Variants in ZNF235 observed in about 807,000 individuals in gnomAD.
ZNF235 encodes the protein zinc finger protein 235.
ZNF235 carries 25 observed loss-of-function variants against 29.4 expected under a neutral mutation model. That is an observed-to-expected ratio of 0.85 (90% CI 0.62 to 1.19). The LOEUF is 1.19. Among genes scored for constraint, ZNF235 ranks in the 50% most tolerant of loss-of-function variants. The pLI is 0.00. For missense variants in ZNF235, 788 were observed against 885.0 expected (o/e 0.89, Z 1.39); for synonymous variants, 300 against 295.3 (o/e 1.02, Z -0.16).
chr19:44,303,348 T>C (rs1036150252), intron 2 of ZNF235, 42 bp downstream of exon 2: 3 of 1,602,342 alleles, frequency 1.9e-6, no homozygotes, highest in Non-Finnish European at 2.6e-6. Flanking sequence ...CTTTGTGAAA[T>C]GAGATGTCAT....
rs1332079119 is a variant in ZNF235 at position 44,303,387 on chromosome 19, T to G, written c.15+3A>C. 2 of 1,611,790 alleles carry G rather than the reference T, an allele frequency of 1.2e-6. No individual in the cohort carries two copies. The highest frequency in any genetic ancestry group is 2.7e-5 in the African/African-American group (2 of 74,800). On this transcript the variant is annotated splice_donor_region_variant and intron_variant, in intron 2 of 4. Transcript: ENST00000291182. ...AAGAAACACAAAGGCAAACCAAACT[T>G]ACCTGGAACTTGGTCATTTTTCCCC...
In ZNF235 at chr19:44,304,650, A is replaced by C. The variant is rs1210278734; in HGVS notation, c.-49+321T>G. 3 of 889,330 alleles carry C rather than the reference A, an allele frequency of 3.4e-6. No homozygotes were observed. The African/African-American group carries it at 5.4e-5, about 16-fold the overall frequency. The allele number at this position is 889,330 out of a possible 1,614,324, so 55.1% of individuals were successfully genotyped here. On this transcript the variant is annotated intron_variant, in intron 1 of 4. Coordinates refer to ENST00000291182, the MANE Select transcript of ZNF235 (RefSeq NM_004234.4). The stretch of plus-strand genomic sequence containing the variant: ...CAAGAACATCACTGGGAACGCACTA[A>C]CCCTTTACAGGCACGAGGAAACTGA...
Position 44,288,017 on chromosome 19 carries a change from TTAAAGCTCAAAC to T in ZNF235, c.1406_1417del (p.Ser469_Phe472del), listed in dbSNP as rs770167232. On this transcript the variant is annotated inframe_deletion, in exon 5 of 5. Coordinates refer to ENST00000291182, the MANE Select transcript of ZNF235 (RefSeq NM_004234.4). ...GTGGACTCGTTGATGACTATGAAGA[TTAAAGCTCAAAC>T]TAAAGCACTTACCACACTCATCACA... 1 of 1,614,134 alleles carries T rather than the reference TTAAAGCTCAAAC, an allele frequency of 6.2e-7. No individual in the cohort carries two copies.
chr19:44,302,073 G>A (rs1599894033), intron 2 of ZNF235, among the ~76,000 whole-genome samples: 1 of 152,130 alleles, frequency 6.6e-6, no homozygotes, highest in South Asian at 2.1e-4. Context: ...AATCTAGCTC[G>A]TTTGAAACTA....
chr19:44,302,079 A>C (rs1308968448), intron 2 of ZNF235, among the ~76,000 whole-genome samples: 2 of 152,218 alleles, frequency 1.3e-5, no homozygotes, highest in Non-Finnish European at 1.5e-5. Context: ...GCTCGTTTGA[A>C]ACTAAAATTA....
chr19:44,302,956 A>T (rs1403734009), intron 2 of ZNF235, among the ~76,000 whole-genome samples: 17 of 136,250 alleles, frequency 1.2e-4, no homozygotes, highest in East Asian at 6.0e-4. Context: ...TTGTATATAT[A>T]AATATATACG....
At chr19:44,296,470 TAAAAC>T (rs1321749493) in intron 4 of ZNF235, among the ~76,000 whole-genome samples, 3 of 152,216 alleles carry the variant, frequency 2.0e-5, no homozygotes, top group Non-Finnish European at 2.9e-5. Context: ...AAATGAATGT[TAAAAC>T]TGAACTGAAT....
chr19:44,289,036 G>A lies in ZNF235; in HGVS notation c.399C>T (p.Phe133=). The change falls in exon 5 of 5, where the codon TTC becomes TTT. Residue 133 remains phenylalanine (F), a synonymous_variant. Coordinates refer to ENST00000291182, the MANE Select transcript of ZNF235 (RefSeq NM_004234.4). ...GACAGGGGGAATCATGGTGCTTGGGGAACTGAGAGCTCTTTCCTTCAATAT... is the reference window on the plus strand; with the variant it reads ...GACAGGGGGAATCATGGTGCTTGGGAAACTGAGAGCTCTTTCCTTCAATAT... ...MINIEGKSSQ[F]PKHHDSPCQV... 1 of 1,614,100 alleles carries A rather than the reference G, an allele frequency of 6.2e-7. No homozygotes were observed. The highest frequency in any genetic ancestry group is 8.5e-7 in the Non-Finnish European group (1 of 1,180,006).
At position 44,304,374 on chromosome 19, in the gene ZNF235, C is replaced by A. The variant is rs111998523; in HGVS notation, c.-49+597G>T. On this transcript the variant is annotated intron_variant, in intron 1 of 4. Coordinates refer to ENST00000291182, the MANE Select transcript of ZNF235 (RefSeq NM_004234.4). The stretch of plus-strand genomic sequence containing the variant: ...TGAGATAAAACACACAGGACATTCC[C>A]CAGGCTCCGCTGGAACTAATTCCTG... Among the ~76,000 whole-genome samples, 299 of 152,252 alleles carry A rather than the reference C, an allele frequency of 2.0e-3. 1 individual carries two copies. The highest frequency in any genetic ancestry group is 6.9e-3 in the African/African-American group (287 of 41,558).
chr19:44,298,262 A>C (rs938226585), intron 4 of ZNF235, among the ~76,000 whole-genome samples: 11 of 152,218 alleles, frequency 7.2e-5, no homozygotes, highest in Non-Finnish European at 1.5e-4. Context: ...GAAAAACAGA[A>C]TGGTAAAGCT....
intron 4 of ZNF235, among the ~76,000 whole-genome samples, chr19:44,294,770 G>A (rs1042174212): frequency 3.3e-5 from 5 of 150,994 alleles, no homozygotes; most frequent in Admixed American, 6.6e-5. Flanking sequence ...CCAAGGATGC[G>A]AGAATGGTTC....
chr19:44,303,008 GTATA>G (rs1298196169), intron 2 of ZNF235, among the ~76,000 whole-genome samples: 1 of 117,570 alleles, frequency 8.5e-6, no homozygotes, highest in Non-Finnish European at 1.6e-5. Flanking sequence ...ACATATATAC[GTATA>G]TATTTATATA....
At chr19:44,302,999 C>CGT (rs1975770572) in intron 2 of ZNF235, among the ~76,000 whole-genome samples, 1 of 106,182 alleles carries the variant, frequency 9.4e-6, no homozygotes, top group African/African-American at 4.9e-5. Context: ...TAAATATATA[C>CGT]ATATATACGT....
chr19:44,298,088 C>T (rs1378058207), intron 4 of ZNF235, among the ~76,000 whole-genome samples: 1 of 152,078 alleles, frequency 6.6e-6, no homozygotes, highest in Non-Finnish European at 1.5e-5. Context: ...CATTGTACTC[C>T]AGCCTGGGCA....
intron 2 of ZNF235, among the ~76,000 whole-genome samples, chr19:44,302,965 CGT>C (rs1568647573): frequency 1.5e-4 from 17 of 115,972 alleles, no homozygotes; most frequent in East Asian, 6.8e-4. Flanking sequence ...TAAATATATA[CGT>C]ATATATGTAT....
chr19:44,297,982 G>T (rs1306939851), intron 4 of ZNF235, among the ~76,000 whole-genome samples: 1 of 152,076 alleles, frequency 6.6e-6, no homozygotes, highest in Non-Finnish European at 1.5e-5. Flanking sequence ...AGCTGGGTGT[G>T]GTGGTGCACA....
intron 2 of ZNF235, among the ~76,000 whole-genome samples, chr19:44,301,308 G>A (rs1339996975): frequency 6.6e-6 from 1 of 152,056 alleles, no homozygotes; most frequent in East Asian, 1.9e-4. Flanking sequence ...CTGGAGTTCT[G>A]AACATCTATG....
At chr19:44,290,828 C>G (rs889478021) in intron 4 of ZNF235, 3 of 153,162 alleles carry the variant, frequency 2.0e-5, no homozygotes, top group African/African-American at 4.8e-5. Flanking sequence ...AATTACCAAA[C>G]AGCCCACTGA....
chr19:44,303,277 C>T, intron 2 of ZNF235, 113 bp downstream of exon 2: 2 of 1,016,688 alleles, frequency 2.0e-6, no homozygotes, highest in Non-Finnish European at 3.0e-6. Flanking sequence ...TGGCATATAA[C>T]AACATTCCAA....
Sources: allele counts gnomAD v4.1 joint callset (sites outside exome capture counted in the v4.1 genomes callset), GRCh38; gene constraint gnomAD v4.1.1; transcripts MANE v1.5; gene names NCBI Gene and HGNC (gene_info 2026-07-23, HGNC 2026-07-21).